Variants in TAX1BP1 observed in about 807,000 individuals in gnomAD.
The protein encoded by TAX1BP1 is Tax1 binding protein 1, also known as tax1-binding protein 1.
TAX1BP1 carries 62 observed loss-of-function variants against 97.7 expected under a neutral mutation model. The observed-to-expected ratio is 0.63, with a 90% confidence interval of 0.52 to 0.78. The LOEUF is 0.78. TAX1BP1 is among the 30% of genes least tolerant of loss of function. The pLI is 0.00. For synonymous variants in TAX1BP1, 340 were observed against 304.2 expected (o/e 1.12, Z -1.23); for missense variants, 867 against 916.1 (o/e 0.95, Z 0.69).
chr7:27,762,654 A>T (rs919123885), intron 3 of TAX1BP1, among the ~76,000 whole-genome samples: 7 of 152,320 alleles, frequency 4.6e-5, no homozygotes, highest in South Asian at 2.1e-4. Flanking sequence ...TTAATACTTT[A>T]AAAACATTTT....
intron 13 of TAX1BP1, among the ~76,000 whole-genome samples, chr7:27,811,454 A>G (rs762117207): frequency 2.0e-5 from 3 of 152,138 alleles, no homozygotes; most frequent in East Asian, 1.9e-4. Context: ...GATCATTTAT[A>G]TAGGTAAAAA....
chr7:27,784,185 G>GT (rs1789377273), intron 5 of TAX1BP1, among the ~76,000 whole-genome samples: 1 of 152,036 alleles, frequency 6.6e-6, no homozygotes, highest in Non-Finnish European at 1.5e-5. Flanking sequence ...GATTTTTTTA[G>GT]TTTTTGTTGC....
intron 12 of TAX1BP1, among the ~76,000 whole-genome samples, chr7:27,797,902 G>C (rs1031106940): frequency 6.7e-6 from 1 of 150,156 alleles, no homozygotes; most frequent in Middle Eastern, 3.2e-3. Flanking sequence ...TGAATTGCAC[G>C]TACCTAGAGT....
intron 3 of TAX1BP1, among the ~76,000 whole-genome samples, chr7:27,760,584 T>TG (rs1268886616): frequency 3.3e-5 from 5 of 151,794 alleles, no homozygotes; most frequent in Admixed American, 3.3e-4. Context: ...TTAGTAGAGA[T>TG]GGGGTTTCAC....
intron 4 of TAX1BP1, among the ~76,000 whole-genome samples, chr7:27,768,200 T>C (rs994276474): frequency 5.3e-5 from 8 of 152,040 alleles, no homozygotes; most frequent in African/African-American, 1.9e-4. Context: ...GTGAAGTGTC[T>C]GCAATTTCAC....
intron 5 of TAX1BP1, among the ~76,000 whole-genome samples, chr7:27,778,473 G>A (rs1789120117): frequency 6.6e-6 from 1 of 152,102 alleles, no homozygotes; most frequent in Non-Finnish European, 1.5e-5. Context: ...GATAGGTTCT[G>A]TAAGATTGTA....
intron 13 of TAX1BP1, among the ~76,000 whole-genome samples, chr7:27,812,689 A>G (rs749908776): frequency 2.6e-5 from 4 of 152,184 alleles, no homozygotes; most frequent in East Asian, 3.9e-4. Context: ...TATTTTGTAT[A>G]TAAGTACCCA....
At chr7:27,774,452 T>C (rs1788952854) in intron 5 of TAX1BP1, among the ~76,000 whole-genome samples, 1 of 152,104 alleles carries the variant, frequency 6.6e-6, no homozygotes, top group East Asian at 1.9e-4. Context: ...TACAATGGCT[T>C]ATAATAACAG....
chr7:27,808,547 G>A (rs527911891), intron 13 of TAX1BP1, among the ~76,000 whole-genome samples: 2 of 152,072 alleles, frequency 1.3e-5, no homozygotes, highest in South Asian at 2.1e-4. Context: ...TACTCTCCGC[G>A]CTCCTTTACT....
At chr7:27,756,031 G>A (rs1340575069) in intron 2 of TAX1BP1, among the ~76,000 whole-genome samples, 1 of 152,162 alleles carries the variant, frequency 6.6e-6, no homozygotes, top group Non-Finnish European at 1.5e-5. Flanking sequence ...GTAGCATTGA[G>A]CAGCAAGTTC....
chr7:27,765,791 A>T (rs1788607687), intron 3 of TAX1BP1, 43 bp from the exon 4 acceptor site: 1 of 1,515,022 alleles, frequency 6.6e-7, no homozygotes, highest in Middle Eastern at 1.9e-4. Context: ...CATGAATTTT[A>T]TAATAGGAAG....
intron 8 of TAX1BP1, among the ~76,000 whole-genome samples, chr7:27,790,724 T>C (rs1313301420): frequency 6.6e-6 from 1 of 152,138 alleles, no homozygotes; most frequent in East Asian, 1.9e-4. Flanking sequence ...GATCAAAAGC[T>C]GTGAGAATTT....
chr7:27,783,120 TG>T (rs1308734365), intron 5 of TAX1BP1, among the ~76,000 whole-genome samples: 3 of 152,178 alleles, frequency 2.0e-5, no homozygotes, highest in African/African-American at 7.2e-5. Context: ...TATCTCCCTT[TG>T]CCCCAATTTT....
intron 4 of TAX1BP1, among the ~76,000 whole-genome samples, chr7:27,767,177 T>C (rs1176974052): frequency 6.6e-6 from 1 of 152,164 alleles, no homozygotes; most frequent in Non-Finnish European, 1.5e-5. Context: ...TTGTGATTAA[T>C]TGTATATAGT....
At chr7:27,756,264 A>G (rs905245987) in intron 2 of TAX1BP1, among the ~76,000 whole-genome samples, 2 of 152,158 alleles carry the variant, frequency 1.3e-5, no homozygotes, top group South Asian at 4.1e-4. Context: ...CATTCTCTGT[A>G]TCTTTCCAGG....
intron 1 of TAX1BP1, among the ~76,000 whole-genome samples, chr7:27,742,598 T>C (rs1439678853): frequency 1.3e-5 from 2 of 152,178 alleles, no homozygotes; most frequent in Non-Finnish European, 1.5e-5. Context: ...AGTAACAGTC[T>C]GATCTCTCTT....
chr7:27,754,166 A>G (rs889942063), intron 2 of TAX1BP1, among the ~76,000 whole-genome samples: 7 of 152,100 alleles, frequency 4.6e-5, no homozygotes, highest in Non-Finnish European at 7.4e-5. Context: ...CACATCAAAA[A>G]CTAAGTTGCC....
At chr7:27,781,275 G>T (rs1789244574) in intron 5 of TAX1BP1, among the ~76,000 whole-genome samples, 1 of 152,124 alleles carries the variant, frequency 6.6e-6, no homozygotes, top group Non-Finnish European at 1.5e-5. Context: ...TTGACAATGG[G>T]GATACGTTCT....
At chr7:27,775,570 A>G (rs1434915417) in intron 5 of TAX1BP1, among the ~76,000 whole-genome samples, 4 of 147,524 alleles carry the variant, frequency 2.7e-5, no homozygotes, top group Non-Finnish European at 6.1e-5. Flanking sequence ...ATGAGACACA[A>G]GAGAGATTCT....
Sources: allele counts gnomAD v4.1 joint callset (sites outside exome capture counted in the v4.1 genomes callset), GRCh38; gene constraint gnomAD v4.1.1; transcripts MANE v1.5; gene names NCBI Gene and HGNC (gene_info 2026-07-23, HGNC 2026-07-21).